The following ITGB3BP variants were observed in gnomAD, a reference collection of about 807,000 sequenced individuals.
ITGB3BP encodes the protein centromere protein R.
Under a neutral mutation model 29.1 loss-of-function variants are expected in ITGB3BP, and 27 were observed. The observed-to-expected ratio is 0.93, with a 90% confidence interval of 0.68 to 1.28. ITGB3BP has a LOEUF of 1.28. Ranked by LOEUF, ITGB3BP falls within the 50% of genes most tolerant of loss-of-function variation. ITGB3BP has a pLI of 0.00. For missense variants in ITGB3BP, 192 were observed against 200.2 expected (o/e 0.96, Z 0.25); for synonymous variants, 61 against 61.4 (o/e 0.99, Z 0.03).
At chr1:63,442,184 C>G (rs892073581) in intron 8 of ITGB3BP, among the ~76,000 whole-genome samples, 8 of 113,384 alleles carry the variant, frequency 7.1e-5, no homozygotes, top group African/African-American at 2.7e-4. Context: ...TTGGTACTTA[C>G]AGTAGAGAAT....
intron 3 of ITGB3BP, among the ~76,000 whole-genome samples, chr1:63,482,258 GTGACTC>G (rs1645450691): frequency 9.8e-6 from 1 of 101,682 alleles, no homozygotes. Context: ...GGGTGACAGA[GTGACTC>G]CATCTCAAAA....
chr1:63,485,097 C>G (rs921631261), intron 3 of ITGB3BP, among the ~76,000 whole-genome samples: 1 of 151,824 alleles, frequency 6.6e-6, no homozygotes, highest in Admixed American at 6.6e-5. Context: ...ATTTAATTGT[C>G]TTATGTCTTT....
At chr1:63,496,075 T>C (rs1426840038) in intron 2 of ITGB3BP, among the ~76,000 whole-genome samples, 1 of 151,282 alleles carries the variant, frequency 6.6e-6, no homozygotes, top group Non-Finnish European at 1.5e-5. Flanking sequence ...TTACTCCTAC[T>C]TCATTCTGGG....
chr1:63,469,115 T>C (rs1487371231), intron 4 of ITGB3BP, among the ~76,000 whole-genome samples: 9 of 151,704 alleles, frequency 5.9e-5, no homozygotes, highest in Non-Finnish European at 4.4e-5. Flanking sequence ...CCTCTCTAAA[T>C]GTCAGTTTCT....
intron 1 of ITGB3BP, among the ~76,000 whole-genome samples, chr1:63,511,808 T>A (rs1343912512): frequency 1.3e-5 from 2 of 151,984 alleles, no homozygotes; most frequent in East Asian, 3.9e-4. Flanking sequence ...TACTGTTTAA[T>A]GGGTACAGAC....
At chr1:63,471,627 G>C (rs1383207580) in intron 4 of ITGB3BP, among the ~76,000 whole-genome samples, 2 of 152,102 alleles carry the variant, frequency 1.3e-5, no homozygotes, top group Non-Finnish European at 2.9e-5. Context: ...CATGGTGTGA[G>C]GGTAAGGGTC....
intron 4 of ITGB3BP, among the ~76,000 whole-genome samples, chr1:63,458,968 GTTAA>G (rs1644974139): frequency 6.6e-6 from 1 of 151,860 alleles, no homozygotes; most frequent in East Asian, 1.9e-4. Context: ...TGCTGACAAA[GTTAA>G]TTAATTCAGT....
intron 3 of ITGB3BP, among the ~76,000 whole-genome samples, chr1:63,485,377 T>C (rs957914554): frequency 5.9e-5 from 9 of 151,950 alleles, no homozygotes; most frequent in Non-Finnish European, 1.2e-4. Flanking sequence ...CTCTTATCTG[T>C]TGCCTCCTCA....
chr1:63,442,314 A>G (rs1440961263), intron 8 of ITGB3BP, among the ~76,000 whole-genome samples: 1 of 152,220 alleles, frequency 6.6e-6, no homozygotes, highest in Non-Finnish European at 1.5e-5. Context: ...TTTTACTAGT[A>G]ACATTACACA....
At chr1:63,515,387 T>C (rs919299979) in intron 1 of ITGB3BP, among the ~76,000 whole-genome samples, 1 of 152,190 alleles carries the variant, frequency 6.6e-6, no homozygotes, top group Non-Finnish European at 1.5e-5. Flanking sequence ...CAACACTTTA[T>C]GCCATGTCTA....
In ITGB3BP at chr1:63,448,184, TG is replaced by T. The variant is rs1486992792; in HGVS notation, c.485-1329del. On this transcript the variant is annotated intron_variant, in intron 7 of 8. Coordinates refer to ENST00000271002, the MANE Select transcript of ITGB3BP (RefSeq NM_014288.5). ...TCACACTCTGGGGACTGTTGTGGGG[TG>T]GGGGGAGGGGGGAGGGATAGCATTA... Among the ~76,000 whole-genome samples the T allele has an allele frequency of 1.9e-3, 83 of 44,826 alleles. 1 individual carries two copies. The highest frequency in any genetic ancestry group is 6.7e-3 in the African/African-American group (72 of 10,724). 29.4% of individuals were successfully genotyped at this position (44,826 alleles called of 152,430 possible).
intron 3 of ITGB3BP, among the ~76,000 whole-genome samples, chr1:63,483,772 GT>G (rs1172908928): frequency 1.3e-5 from 2 of 152,064 alleles, no homozygotes; most frequent in African/African-American, 4.8e-5. Context: ...TATTTCTACT[GT>G]ACCTTTTCTA....
Position 63,528,978 on chromosome 1 carries a change from A to C in ITGB3BP, n.253+153T>G, listed in dbSNP as rs116248722. Reference sequence around the variant, plus strand: ...ATTTTAGAGGCAAAAAAAAAATTACAACTTCATTTACATCTACTTGTATTC... The same window carrying C: ...ATTTTAGAGGCAAAAAAAAAATTACCACTTCATTTACATCTACTTGTATTC... On this transcript the variant is annotated intron_variant and non_coding_transcript_variant, in intron 2 of 4. Transcript: ENST00000478138. Among the ~76,000 whole-genome samples the C allele has an allele frequency of 3.9e-3, 597 of 152,220 alleles. 3 individuals carry two copies. The highest frequency in any genetic ancestry group is 0.014 in the African/African-American group (575 of 41,548).
At chr1:63,469,164 G>A (rs532846895) in intron 4 of ITGB3BP, among the ~76,000 whole-genome samples, 1 of 151,954 alleles carries the variant, frequency 6.6e-6, no homozygotes, top group Admixed American at 6.5e-5. Flanking sequence ...TACCTCACTG[G>A]GTTGTTAAGA....
chr1:63,498,171 A>T (rs1463595999), intron 2 of ITGB3BP, among the ~76,000 whole-genome samples: 1 of 152,160 alleles, frequency 6.6e-6, no homozygotes, highest in Non-Finnish European at 1.5e-5. Flanking sequence ...ATCAGCAAGG[A>T]AACAGAAAAT....
intron 3 of ITGB3BP, among the ~76,000 whole-genome samples, chr1:63,482,116 A>G (rs1159423811): frequency 6.6e-6 from 1 of 151,790 alleles, no homozygotes; most frequent in Admixed American, 6.6e-5. Flanking sequence ...CTACTAAAAT[A>G]CAAAAAATTA....
chr1:63,445,514 T>C (rs573178362), intron 8 of ITGB3BP, among the ~76,000 whole-genome samples: 2 of 152,214 alleles, frequency 1.3e-5, no homozygotes, highest in Admixed American at 6.5e-5. Context: ...AAGAAAAGTA[T>C]CTTGGAGGTA....
intron 1 of ITGB3BP, among the ~76,000 whole-genome samples, chr1:63,510,848 C>T (rs1646185303): frequency 6.6e-6 from 1 of 152,024 alleles, no homozygotes; most frequent in Non-Finnish European, 1.5e-5. Flanking sequence ...GAACTGGGCC[C>T]AACCACTCTT....
At chr1:63,473,318 G>C (rs1645245562) in intron 4 of ITGB3BP, among the ~76,000 whole-genome samples, 1 of 151,484 alleles carries the variant, frequency 6.6e-6, no homozygotes, top group African/African-American at 2.4e-5. Flanking sequence ...TCTCCGCCCG[G>C]CAGCCACCCC....
Sources: allele counts gnomAD v4.1 joint callset (sites outside exome capture counted in the v4.1 genomes callset), GRCh38; gene constraint gnomAD v4.1.1; transcripts MANE v1.5; gene names NCBI Gene and HGNC (gene_info 2026-07-23, HGNC 2026-07-21).